Variants in LY86 observed in about 807,000 individuals in gnomAD.
LY86 encodes the protein MD-1, RP105-associated.
In LY86, 20 loss-of-function variants were observed where a neutral mutation model predicts 17.3. The ratio of observed to expected loss-of-function variants is 1.15; its 90% CI spans 0.81 to 1.68. The LOEUF (loss-of-function observed/expected upper bound fraction) is 1.68. LY86 is among the 40% of genes most tolerant of loss of function. The pLI, the probability that LY86 is intolerant of heterozygous loss-of-function variation, is 0.00. For synonymous variants in LY86, 74 were observed against 70.6 expected (o/e 1.05, Z -0.24); for missense variants, 200 against 191.9 (o/e 1.04, Z -0.25).
chr6:6,590,788 G>A lies in LY86; in HGVS notation c.136+1918G>A, dbSNP rs558200268. Among the ~76,000 whole-genome samples the A allele has an allele frequency of 3.3e-5, 5 of 152,278 alleles. No homozygotes were observed. The East Asian group carries it at 7.7e-4, about 24-fold the overall frequency. The stretch of plus-strand genomic sequence containing the variant: ...CTCACTCTAAGCTGGGGAGTGATGA[G>A]GATGCAGTGCTTGAGCAAGTACCTG... On this transcript the variant is annotated intron_variant, in intron 1 of 4. Coordinates refer to ENST00000230568, the MANE Select transcript of LY86 (RefSeq NM_004271.4).
intron 1 of LY86, among the ~76,000 whole-genome samples, chr6:6,604,757 G>A (rs1397507655): frequency 1.3e-5 from 2 of 151,700 alleles, no homozygotes; most frequent in Non-Finnish European, 2.9e-5. Flanking sequence ...ACATAGCAAC[G>A]TGCTTCCCAC....
chr6:6,626,931 A>G (rs1344688364), intron 3 of LY86, among the ~76,000 whole-genome samples: 1 of 152,154 alleles, frequency 6.6e-6, no homozygotes, highest in Non-Finnish European at 1.5e-5. Context: ...CGGAAACCCC[A>G]TTATATTAGC....
intron 3 of LY86, among the ~76,000 whole-genome samples, chr6:6,637,256 C>A (rs933621073): frequency 4.6e-5 from 7 of 152,078 alleles, no homozygotes; most frequent in Non-Finnish European, 1.0e-4. Context: ...CGTGATCAGC[C>A]CACCTCGGCC....
intron 3 of LY86, among the ~76,000 whole-genome samples, chr6:6,634,501 A>G (rs909450138): frequency 6.6e-6 from 1 of 152,260 alleles, no homozygotes; most frequent in African/African-American, 2.4e-5. Context: ...CATCCAAGAG[A>G]TTCTGTTGTA....
At chr6:6,601,475 C>A (rs1448871484) in intron 1 of LY86, among the ~76,000 whole-genome samples, 2 of 152,220 alleles carry the variant, frequency 1.3e-5, no homozygotes, top group African/African-American at 4.8e-5. Flanking sequence ...GTAATCCCAG[C>A]ACTTTGGGAG....
At chr6:6,628,564 G>C (rs757370189) in intron 3 of LY86, among the ~76,000 whole-genome samples, 6 of 151,780 alleles carry the variant, frequency 4.0e-5, no homozygotes, top group Non-Finnish European at 5.9e-5. Flanking sequence ...CTCTCTCTCT[G>C]TCTCTCTCTG....
chr6:6,626,310 C>T lies in LY86; in HGVS notation c.241C>T (p.Leu81Phe), dbSNP rs1165611551. The change falls in exon 3 of 5, where the codon CTT (leucine) becomes TTT (phenylalanine). Residue 81 changes from leucine (L) to phenylalanine (F), a missense_variant. Transcript: ENST00000230568. ...GIILREDIKE[L>F]FLDLALMSQG... ...TCCTCCAGGAGAGGACATCAAAGAGCTTTTTCTTGACCTAGCTCTCATGTC... is the reference window on the plus strand; with the variant it reads ...TCCTCCAGGAGAGGACATCAAAGAGTTTTTTCTTGACCTAGCTCTCATGTC... 1 of 1,613,894 alleles carries T rather than the reference C, an allele frequency of 6.2e-7. No homozygotes were observed. The highest frequency in any genetic ancestry group is 2.2e-5 in the East Asian group (1 of 44,878).
intron 1 of LY86, among the ~76,000 whole-genome samples, chr6:6,592,702 C>T (rs1760566625): frequency 6.6e-6 from 1 of 151,786 alleles, no homozygotes; most frequent in South Asian, 2.1e-4. Context: ...GGCCAGAGAT[C>T]TCTTTTCACC....
chr6:6,625,384 G>A (rs979839250), intron 2 of LY86, among the ~76,000 whole-genome samples: 7 of 152,062 alleles, frequency 4.6e-5, no homozygotes, highest in South Asian at 2.1e-4. Flanking sequence ...TACTACCAGC[G>A]GTACGGTTTG....
chr6:6,593,050 T>G (rs1314199289), intron 1 of LY86, among the ~76,000 whole-genome samples: 1 of 152,264 alleles, frequency 6.6e-6, no homozygotes, highest in African/African-American at 2.4e-5. Flanking sequence ...ATTCGTTTCC[T>G]GTTGTTGCTG....
At chr6:6,641,746 C>T (rs1375360806) in intron 3 of LY86, among the ~76,000 whole-genome samples, 4 of 152,218 alleles carry the variant, frequency 2.6e-5, no homozygotes, top group African/African-American at 9.7e-5. Context: ...AAAAGGGGCA[C>T]CTTCTGCCAG....
At chr6:6,625,312 T>G (rs1187371693) in intron 2 of LY86, among the ~76,000 whole-genome samples, 1 of 152,210 alleles carries the variant, frequency 6.6e-6, no homozygotes, top group East Asian at 1.9e-4. Flanking sequence ...ATTTTGAGAT[T>G]AAGTATTAAT....
intron 1 of LY86, among the ~76,000 whole-genome samples, chr6:6,594,785 A>G (rs568440098): frequency 1.1e-4 from 16 of 152,362 alleles, no homozygotes; most frequent in Non-Finnish European, 1.9e-4. Context: ...TCCATTGACA[A>G]AGCCTCATTT....
intron 3 of LY86, among the ~76,000 whole-genome samples, chr6:6,634,841 G>C (rs1258310441): frequency 6.6e-6 from 1 of 152,174 alleles, no homozygotes; most frequent in Non-Finnish European, 1.5e-5. Flanking sequence ...AAGGGAATTT[G>C]GGGGGAGTGC....
At chr6:6,628,745 T>C (rs1761847912) in intron 3 of LY86, among the ~76,000 whole-genome samples, 1 of 152,242 alleles carries the variant, frequency 6.6e-6, no homozygotes, top group Non-Finnish European at 1.5e-5. Context: ...TTCTTGCTCC[T>C]ATCTGTCTCT....
chr6:6,654,435 C>A, intron 4 of LY86, 109 bp from the exon 5 acceptor site: 1 of 799,140 alleles, frequency 1.3e-6, no homozygotes, highest in Non-Finnish European at 2.1e-6. Context: ...ACGTTATCCA[C>A]AATGTCCAGA....
intron 1 of LY86, among the ~76,000 whole-genome samples, chr6:6,597,785 G>GA (rs1463519353): frequency 4.6e-5 from 7 of 152,330 alleles, no homozygotes; most frequent in East Asian, 1.9e-4. Context: ...TGGCCAGGAA[G>GA]AAAAAATCCC....
chr6:6,619,263 TTTG>T (rs1761621316), intron 1 of LY86, among the ~76,000 whole-genome samples: 3 of 152,178 alleles, frequency 2.0e-5, no homozygotes, highest in Non-Finnish European at 2.9e-5. Flanking sequence ...GCAAGGTCTG[TTTG>T]TTATTTTGTT....
intron 3 of LY86, among the ~76,000 whole-genome samples, chr6:6,646,504 A>G: frequency 6.6e-6 from 1 of 151,988 alleles, no homozygotes; most frequent in Non-Finnish European, 1.5e-5. Context: ...TTACACCTCA[A>G]CCACCATCTC....
Sources: gnomAD v4.1 joint callset for allele counts (sites outside exome capture counted in the v4.1 genomes callset) on GRCh38, gnomAD v4.1.1 for gene constraint, MANE v1.5 for transcripts, NCBI Gene and HGNC (gene_info 2026-07-23, HGNC 2026-07-21) for gene names.